ATP8A2: variants seen among roughly 807,000 people sequenced by gnomAD.
ATP8A2 encodes ATPase phospholipid transporting 8A2, also known as phospholipid-transporting ATPase IB.
In ATP8A2, 100 loss-of-function variants were observed where a neutral mutation model predicts 165.6. The observed-to-expected ratio is 0.60, with a 90% confidence interval of 0.51 to 0.71. The LOEUF is 0.71. Ranked by LOEUF, ATP8A2 falls within the 30% of genes least tolerant of loss-of-function variation. The pLI, the probability that ATP8A2 is intolerant of heterozygous loss-of-function variation, is 0.00. For synonymous variants in ATP8A2, 543 were observed against 548.8 expected, an observed-to-expected ratio of 0.99 and a Z score of 0.15; for missense variants, 1,227 against 1,479.5, an observed-to-expected ratio of 0.83 and a Z score of 2.80.
intron 27 of ATP8A2, among the ~76,000 whole-genome samples, chr13:25,827,213 G>A (rs1951343940): frequency 1.3e-5 from 2 of 152,102 alleles, no homozygotes; most frequent in Non-Finnish European, 2.9e-5. Context: ...AGGTTCAAGC[G>A]ATTCTCCTGC....
rs116379096 is a variant in ATP8A2 at position 25,806,554 on chromosome 13, C to A, written c.2680-21564C>A. ...GGCCTTCAACTTCATGGAAAAGGGACAAAAATAACATAAAGCAAGTGGCCA... is the reference window on the plus strand; with the variant it reads ...GGCCTTCAACTTCATGGAAAAGGGAAAAAAATAACATAAAGCAAGTGGCCA... On this transcript the variant is annotated intron_variant, in intron 27 of 36. Coordinates refer to ENST00000381655, the MANE Select transcript of ATP8A2 (RefSeq NM_016529.6). Among the ~76,000 whole-genome samples the A allele has an allele frequency of 8.8e-3, 1,341 of 151,966 alleles. 17 individuals carry two copies. Among genetic ancestry groups the A allele is most frequent in the African/African-American group, 0.031 (1,271 of 41,420 alleles).
chr13:25,577,967 C>G (rs192444464), intron 20 of ATP8A2, among the ~76,000 whole-genome samples: 19 of 152,242 alleles, frequency 1.2e-4, no homozygotes, highest in African/African-American at 4.6e-4. Context: ...TTTGGACTCG[C>G]TAAAGAATTC....
chr13:25,601,851 T>C (rs2040396698), intron 24 of ATP8A2, among the ~76,000 whole-genome samples: 1 of 152,188 alleles, frequency 6.6e-6, no homozygotes, highest in Non-Finnish European at 1.5e-5. Context: ...AAGCAGCCTC[T>C]CCAGTAACAA....
chr13:25,467,363 C>A (rs2035696635), intron 1 of ATP8A2, among the ~76,000 whole-genome samples: 1 of 152,206 alleles, frequency 6.6e-6, no homozygotes, highest in Admixed American at 6.5e-5. Context: ...ACTTAATATT[C>A]GGAATAATAT....
chr13:25,793,443 AT>A (rs1013650174), intron 27 of ATP8A2, among the ~76,000 whole-genome samples: 3 of 152,142 alleles, frequency 2.0e-5, no homozygotes, highest in Admixed American at 6.5e-5. Flanking sequence ...TGAAAATTTT[AT>A]TTATCTAGAT....
intron 25 of ATP8A2, among the ~76,000 whole-genome samples, chr13:25,728,129 C>G (rs567359327): frequency 2.0e-5 from 3 of 152,184 alleles, no homozygotes; most frequent in African/African-American, 7.2e-5. Flanking sequence ...AAGCAAAAAC[C>G]GGTTTTTATA....
At chr13:25,784,655 A>G (rs773953773) in intron 27 of ATP8A2, among the ~76,000 whole-genome samples, 2 of 152,126 alleles carry the variant, frequency 1.3e-5, no homozygotes, top group Non-Finnish European at 2.9e-5. Context: ...CCTAAGTAGC[A>G]TATTATTTGT....
intron 33 of ATP8A2, among the ~76,000 whole-genome samples, chr13:25,950,491 C>A (rs1208973142): frequency 6.6e-6 from 1 of 152,224 alleles, no homozygotes; most frequent in African/African-American, 2.4e-5. Context: ...AGTAACAGCA[C>A]TCCCCCTCCT....
chr13:25,585,716 G>T (rs898525562), intron 23 of ATP8A2, among the ~76,000 whole-genome samples: 3 of 152,038 alleles, frequency 2.0e-5, no homozygotes, highest in Non-Finnish European at 4.4e-5. Context: ...TCCTGTAATT[G>T]CCTGTACATT....
At chr13:25,889,268 A>ATATATATATATATATATATG (rs1239849715) in intron 33 of ATP8A2, among the ~76,000 whole-genome samples, 10 of 146,144 alleles carry the variant, frequency 6.8e-5, no homozygotes, top group African/African-American at 2.5e-4. Context: ...ATATATATAT[A>ATATATATATATATATATATG]TATATAAAAT....
At chr13:25,738,934 T>C (rs2043846428) in intron 25 of ATP8A2, among the ~76,000 whole-genome samples, 1 of 152,202 alleles carries the variant, frequency 6.6e-6, no homozygotes. Flanking sequence ...GTAACTGAAC[T>C]TATCAGAAGT....
intron 1 of ATP8A2, among the ~76,000 whole-genome samples, chr13:25,449,497 G>T (rs1566140959): frequency 1.3e-5 from 2 of 152,170 alleles, no homozygotes; most frequent in East Asian, 3.8e-4. Flanking sequence ...AGATTGTGGT[G>T]TATCTTGTGG....
At chr13:25,418,163 C>G (rs1389704408) in intron 1 of ATP8A2, among the ~76,000 whole-genome samples, 1 of 152,196 alleles carries the variant, frequency 6.6e-6, no homozygotes, top group Non-Finnish European at 1.5e-5. Flanking sequence ...CTGACCAGGA[C>G]ATAGCTCCCA....
At chr13:26,006,337 T>C (rs1373644554) in intron 35 of ATP8A2, among the ~76,000 whole-genome samples, 14 of 152,048 alleles carry the variant, frequency 9.2e-5, no homozygotes, top group Admixed American at 8.5e-4. Context: ...ATTTGTATAC[T>C]ACTGATTTTT....
intron 23 of ATP8A2, among the ~76,000 whole-genome samples, chr13:25,586,303 C>T (rs796592430): frequency 4.0e-4 from 61 of 152,252 alleles, no homozygotes; most frequent in African/African-American, 1.4e-3. Flanking sequence ...CTTGAGCCTT[C>T]AGAGTTTGTT....
intron 35 of ATP8A2, among the ~76,000 whole-genome samples, chr13:25,990,669 T>G (rs1237566265): frequency 6.6e-6 from 1 of 152,242 alleles, no homozygotes; most frequent in Non-Finnish European, 1.5e-5. Flanking sequence ...GTAAGCAGCA[T>G]GGTCCTGTTT....
At chr13:25,795,872 G>C (rs1472162949) in intron 27 of ATP8A2, among the ~76,000 whole-genome samples, 1 of 151,988 alleles carries the variant, frequency 6.6e-6, no homozygotes, top group Non-Finnish European at 1.5e-5. Flanking sequence ...CTTGGTAGGT[G>C]GTGACAGCAT....
At chr13:25,926,718 G>A (rs1444999289) in intron 33 of ATP8A2, among the ~76,000 whole-genome samples, 1 of 152,186 alleles carries the variant, frequency 6.6e-6, no homozygotes. Flanking sequence ...AATTATCGTA[G>A]GCTAGGCATA....
At chr13:25,716,758 C>T (rs1166430986) in intron 25 of ATP8A2, among the ~76,000 whole-genome samples, 1 of 152,084 alleles carries the variant, frequency 6.6e-6, no homozygotes, top group African/African-American at 2.4e-5. Flanking sequence ...TGATCATAAA[C>T]AAGTCAGACA....
Sources: allele counts gnomAD v4.1 joint callset (sites outside exome capture counted in the v4.1 genomes callset), GRCh38; gene constraint gnomAD v4.1.1; transcripts MANE v1.5; gene names NCBI Gene and HGNC (gene_info 2026-07-23, HGNC 2026-07-21).